The following SMAD2 variants were observed in gnomAD, a reference collection of about 807,000 sequenced individuals.
SMAD2 encodes the protein MAD homolog 2.
A neutral mutation model predicts 64.4 loss-of-function variants in SMAD2; 8 were observed. The observed-to-expected ratio is 0.12, with a 90% confidence interval of 0.07 to 0.22. SMAD2 has a LOEUF of 0.22. SMAD2 is among the 10% of genes least tolerant of loss of function. The probability of loss-of-function intolerance (pLI) is 1.00; values close to 1 mark genes in which losing one functional copy is unlikely to be tolerated. For missense variants in SMAD2, 289 were observed against 561.2 expected (o/e 0.51, Z 4.90); for synonymous variants, 203 against 195.8 (o/e 1.04, Z -0.31).
In SMAD2 at chr18:47,889,219, T is replaced by C. The variant is rs77112889; in HGVS notation, c.236+7302A>G. ...ATATCCTAAACTGCTGTTTTACTAT[T>C]ATCTCACCTCTCTCCATAGTCCATG... On this transcript the variant is annotated intron_variant, in intron 2 of 10. Coordinates refer to ENST00000262160, the MANE Select transcript of SMAD2 (RefSeq NM_005901.6). Among the ~76,000 whole-genome samples the C allele has an allele frequency of 4.7e-3, 711 of 152,310 alleles. 6 individuals carry two copies. The highest frequency in any genetic ancestry group is 7.8e-3 in the Non-Finnish European group (530 of 68,012).
rs1177646712 is a variant in SMAD2, at chr18:47,824,244, G to A, written c.*17583C>T. On this transcript the variant is annotated 3_prime_UTR_variant, in exon 11 of 11. Transcript: ENST00000262160. ...CATGTTTCCAAAAGCCCTGACAAATGGAGCCAGGGAAGTCCATGAAGAGAG... is the reference window on the plus strand; with the variant it reads ...CATGTTTCCAAAAGCCCTGACAAATAGAGCCAGGGAAGTCCATGAAGAGAG... The A allele has an allele frequency of 6.6e-6, 1 of 152,188 alleles. No individual in the cohort carries two copies. Among genetic ancestry groups the A allele is most frequent in the Admixed American group, 6.5e-5 (1 of 15,268 alleles). 9.4% of individuals were successfully genotyped at this position (152,188 alleles called of 1,614,324 possible).
chr18:47,915,898 C>T (rs1046704552), intron 1 of SMAD2, among the ~76,000 whole-genome samples: 1 of 152,178 alleles, frequency 6.6e-6, no homozygotes, highest in African/African-American at 2.4e-5. Flanking sequence ...TGGAATTATA[C>T]CGTATGTACT....
chr18:47,853,384 G>A, intron 6 of SMAD2: 1 of 151,012 alleles, frequency 6.6e-6, no homozygotes, highest in Non-Finnish European at 1.0e-5. Context: ...ACGAATGGGG[G>A]CTTCAACCGG....
chr18:47,870,642 GGA>G, intron 2 of SMAD2, 78 bp from the exon 3 acceptor site: 5 of 940,908 alleles, frequency 5.3e-6, no homozygotes, highest in African/African-American at 1.6e-5. Context: ...TGTAAAACAT[GGA>G]GAATGTACAG....
rs1191109505 is a variant in SMAD2 at position 47,822,954 on chromosome 18, A to G, written c.*18873T>C. The G allele has an allele frequency of 1.3e-5, 2 of 152,168 alleles. No homozygotes were observed. The highest frequency in any genetic ancestry group is 2.9e-5 in the Non-Finnish European group (2 of 68,066). The allele number at this position is 152,168 out of a possible 1,614,324, so 9.4% of individuals were successfully genotyped here. ...TTCCACCTGTCTTGGCCTCCCAAAG[A>G]GCTGGGATTACAGGCATGAGCCACT... On this transcript the variant is annotated 3_prime_UTR_variant, in exon 11 of 11. Coordinates refer to ENST00000262160, the MANE Select transcript of SMAD2 (RefSeq NM_005901.6).
In SMAD2 at chr18:47,834,518, C is replaced by T. The variant is rs1170871968; in HGVS notation, c.*7309G>A. 2.4e-5 allele frequency: 5 copies of T among 205,514 alleles called. No individual in the cohort carries two copies. The highest frequency in any genetic ancestry group is 1.1e-4 in the African/African-American group (5 of 43,776). 12.7% of individuals were successfully genotyped at this position (205,514 alleles called of 1,614,324 possible). ...ACTACCCACTCGTTCCTTAATATCA[C>T]TAGAGAAAAGGTAAGAACTTTCAAG... On this transcript the variant is annotated 3_prime_UTR_variant, in exon 11 of 11. Coordinates refer to ENST00000262160, the MANE Select transcript of SMAD2 (RefSeq NM_005901.6).
intron 1 of SMAD2, among the ~76,000 whole-genome samples, chr18:47,903,759 C>A (rs948601): frequency 0.56 from 84,445 of 151,316 alleles, 23,877 homozygotes; most frequent in East Asian, 0.8. Flanking sequence ...GAAATGAAAA[C>A]TATAGTATTA....
At chr18:47,918,908 A>G (rs1367253490) in intron 1 of SMAD2, among the ~76,000 whole-genome samples, 1 of 152,190 alleles carries the variant, frequency 6.6e-6, no homozygotes, top group Non-Finnish European at 1.5e-5. Flanking sequence ...ACAGAGATGC[A>G]GAGTAGGGGA....
rs1435719061 is a variant in SMAD2, at chr18:47,842,096, T to C, written c.1281-146A>G. On this transcript the variant is annotated intron_variant, in intron 10 of 10. Transcript: ENST00000262160. ...TGGACACGATTATTCCGCAAAATGG[T>C]TGATCCTCAAAGTCAAAGTACTTCT... 3 of 828,344 alleles carry C rather than the reference T, an allele frequency of 3.6e-6. No homozygotes were observed. The East Asian group carries it at 8.0e-5, about 22-fold the overall frequency. The allele number at this position is 828,344 out of a possible 1,614,324, so 51.3% of individuals were successfully genotyped here.
In SMAD2 at chr18:47,845,735, T is replaced by C. The variant is rs1914431655; in HGVS notation, c.1063A>G (p.Ile355Val). 6 of 1,613,874 alleles carry C rather than the reference T, an allele frequency of 3.7e-6. No individual in the cohort carries two copies. Among genetic ancestry groups the C allele is most frequent in the South Asian group, 1.1e-5 (1 of 91,076 alleles). ...VFAECLSDSA[I>V]FVQSPNCNQR... ...TTACAATTGGGGCTCTGCACAAAGATTGCACTATCACTTAGGCACTCAGCA... is the reference window on the plus strand; with the variant it reads ...TTACAATTGGGGCTCTGCACAAAGACTGCACTATCACTTAGGCACTCAGCA... Residue 355 changes from isoleucine to valine, a missense_variant, in exon 9 of 11, where the codon ATC becomes GTC. By Grantham distance (29) the Ile-to-Val change is conservative. This residue lies in a region of SMAD2 where 49 missense variants were observed against 101.1 expected (regional missense o/e 0.48). Coordinates refer to ENST00000262160, the MANE Select transcript of SMAD2 (RefSeq NM_005901.6).
Position 47,820,368 on chromosome 18 carries a change from A to C in SMAD2, c.*21459T>G, listed in dbSNP as rs572941483. 6.6e-6 allele frequency: 1 copy of C among 152,284 alleles called. No homozygotes were observed. Among genetic ancestry groups the C allele is most frequent in the African/African-American group, 2.4e-5 (1 of 41,580 alleles). The allele number at this position is 152,284 out of a possible 1,614,324, so 9.4% of individuals were successfully genotyped here. A position where few individuals can be genotyped will look rare whatever the true frequency, so the allele number is the denominator to read the frequency against. On this transcript the variant is annotated 3_prime_UTR_variant, in exon 11 of 11. Transcript: ENST00000262160. ...ACAATTCCATATACAAAGTGTACCCAAAAAAAGATGTTTTGATGAGAAAAG... is the reference window on the plus strand; with the variant it reads ...ACAATTCCATATACAAAGTGTACCCCAAAAAAGATGTTTTGATGAGAAAAG...
At chr18:47,915,618 T>C (rs1012134814) in intron 1 of SMAD2, among the ~76,000 whole-genome samples, 8 of 152,226 alleles carry the variant, frequency 5.3e-5, no homozygotes, top group East Asian at 1.9e-4. Flanking sequence ...CAACCTAGTA[T>C]ATACACACAC....
chr18:47,826,503 A>T lies in SMAD2; in HGVS notation c.*15324T>A, dbSNP rs934102520. ...GGCTTGGCTGTTGTTGCCTTCTACAACCTCCACAAAAACATGCTTGTTTAA... is the reference window on the plus strand; with the variant it reads ...GGCTTGGCTGTTGTTGCCTTCTACATCCTCCACAAAAACATGCTTGTTTAA... On this transcript the variant is annotated 3_prime_UTR_variant, in exon 11 of 11. Transcript: ENST00000262160. 6.6e-6 allele frequency: 1 copy of T among 152,176 alleles called. No individual in the cohort carries two copies. The highest frequency in any genetic ancestry group is 2.4e-5 in the African/African-American group (1 of 41,420). 9.4% of individuals were successfully genotyped at this position (152,176 alleles called of 1,614,324 possible).
chr18:47,899,364 G>A (rs531536129), intron 1 of SMAD2, among the ~76,000 whole-genome samples: 4 of 151,518 alleles, frequency 2.6e-5, no homozygotes, highest in Admixed American at 1.3e-4. Context: ...CGCAATGCTG[G>A]TATATGGGAG....
chr18:47,841,742 TA>T lies in SMAD2; in HGVS notation c.*84del. ...TTTTCTCTCTTGAACTTTTGGATAGTAAACAGTCCATAGGGACCACACACAA... is the reference window on the plus strand; with the variant it reads ...TTTTCTCTCTTGAACTTTTGGATAGTAACAGTCCATAGGGACCACACACAA... On this transcript the variant is annotated 3_prime_UTR_variant, in exon 11 of 11. Transcript: ENST00000262160. The T allele has an allele frequency of 6.6e-7, 1 of 1,518,708 alleles. No individual in the cohort carries two copies. 94.1% of individuals were successfully genotyped at this position (1,518,708 alleles called of 1,614,324 possible). A position where few individuals can be genotyped will look rare whatever the true frequency, so the allele number is the denominator to read the frequency against.
intron 1 of SMAD2, among the ~76,000 whole-genome samples, chr18:47,916,899 A>G (rs1438866675): frequency 2.6e-5 from 4 of 152,234 alleles, no homozygotes; most frequent in African/African-American, 7.2e-5. Flanking sequence ...CATTTCCAAT[A>G]CATTTGTACA....
intron 5 of SMAD2, 135 bp downstream of exon 5, chr18:47,868,188 C>A: frequency 1.3e-6 from 1 of 755,930 alleles, no homozygotes; most frequent in East Asian, 2.6e-5. Context: ...AATAATCACC[C>A]AACGAATCCA....
At position 47,812,850 on chromosome 18, in the gene SMAD2, A is replaced by C. The variant is rs541788076; in HGVS notation, c.*28977T>G. ...GGTATCTCATGAACATCCAAGTACC[A>C]CTTCTTGTAGGAAGCAGGGGTAACT... On this transcript the variant is annotated 3_prime_UTR_variant, in exon 11 of 11. Transcript: ENST00000262160. 1 of 152,322 alleles carries C rather than the reference A, an allele frequency of 6.6e-6. No homozygotes were observed. Among genetic ancestry groups the C allele is most frequent in the South Asian group, 2.1e-4 (1 of 4,822 alleles). The allele number at this position is 152,322 out of a possible 1,614,324, so 9.4% of individuals were successfully genotyped here.
At chr18:47,857,393 A>T (rs2030802435) in intron 6 of SMAD2, among the ~76,000 whole-genome samples, 1 of 152,124 alleles carries the variant, frequency 6.6e-6, no homozygotes, top group South Asian at 2.1e-4. Context: ...CATATTTCCA[A>T]TTTTTCTATG....
Sources: allele counts gnomAD v4.1 joint callset (sites outside exome capture counted in the v4.1 genomes callset), GRCh38; gene constraint gnomAD v4.1.1; regional missense constraint gnomAD v4.1.1; transcripts MANE v1.5; gene names NCBI Gene and HGNC (gene_info 2026-07-23, HGNC 2026-07-21).